TMEM260: variants seen among roughly 807,000 people sequenced by gnomAD.
TMEM260 encodes transmembrane protein 260, also known as protein O-mannosyl-transferase TMEM260.
Under a neutral mutation model 88.9 loss-of-function variants are expected in TMEM260, and 82 were observed. The observed-to-expected ratio is 0.92, with a 90% CI of 0.77 to 1.11. TMEM260 has a LOEUF of 1.11. Among genes scored for constraint, TMEM260 ranks in the 50% least tolerant of loss-of-function variants. TMEM260 has a pLI of 0.00. For missense variants in TMEM260, 902 were observed against 853.4 expected, an observed-to-expected ratio of 1.06 and a Z score of -0.71; for synonymous variants, 314 against 309.3, an observed-to-expected ratio of 1.02 and a Z score of -0.16.
intron 3 of TMEM260, among the ~76,000 whole-genome samples, chr14:56,592,908 T>C (rs1433750647): frequency 6.6e-6 from 1 of 152,204 alleles, no homozygotes; most frequent in Non-Finnish European, 1.5e-5. Flanking sequence ...ACAAATATAT[T>C]CATGAATTTT....
chr14:56,597,991 CA>C (rs1594824891), intron 3 of TMEM260, among the ~76,000 whole-genome samples: 1 of 151,976 alleles, frequency 6.6e-6, no homozygotes, highest in Admixed American at 6.6e-5. Flanking sequence ...ATGGGGCATC[CA>C]GAGTTGTACT....
chr14:56,581,370 C>T (rs923403431), intron 1 of TMEM260, among the ~76,000 whole-genome samples: 5 of 152,108 alleles, frequency 3.3e-5, no homozygotes, highest in Non-Finnish European at 7.4e-5. Flanking sequence ...TACCTTTCTT[C>T]TTTCAGGTCC....
At chr14:56,646,172 A>C (rs1889952757) in intron 15 of TMEM260, among the ~76,000 whole-genome samples, 1 of 152,230 alleles carries the variant, frequency 6.6e-6, no homozygotes, top group Admixed American at 6.5e-5. Context: ...AGGGTTATTA[A>C]CTATTGAAAC....
rs1890036530 is a variant in TMEM260 at position 56,647,410 on chromosome 14, G to A, written c.2037G>A (p.Pro679=). Residue 679 remains proline, a synonymous_variant, in exon 16 of 16, where the codon CCG becomes CCA. Coordinates refer to ENST00000261556, the MANE Select transcript of TMEM260 (RefSeq NM_017799.4). The part of the protein sequence containing the change: ...RHFRLYSQKA[P]NDPQQADILG... ...TCCGTCTGTACTCTCAGAAAGCACC[G>A]AATGACCCACAGCAAGCTGATATTT... 4 of 1,614,008 alleles carry A rather than the reference G, an allele frequency of 2.5e-6. No individual in the cohort carries two copies. The highest frequency in any genetic ancestry group is 2.2e-5 in the South Asian group (2 of 91,088).
chr14:56,661,318 A>G, the TMEM260 span, among the ~76,000 whole-genome samples: 3 of 152,104 alleles, frequency 2.0e-5, no homozygotes, highest in African/African-American at 7.2e-5. Flanking sequence ...TGGGAAAATG[A>G]AAAAGGGGAG....
chr14:56,599,527 C>T (rs1886440869), intron 3 of TMEM260, among the ~76,000 whole-genome samples: 1 of 152,128 alleles, frequency 6.6e-6, no homozygotes, highest in Non-Finnish European at 1.5e-5. Context: ...TCTTCATCCA[C>T]TAGTTTGTAT....
chr14:56,658,496 A>G, the TMEM260 span, among the ~76,000 whole-genome samples: 2 of 151,926 alleles, frequency 1.3e-5, no homozygotes, highest in Admixed American at 1.3e-4. Flanking sequence ...TCAGCCTCCC[A>G]AAGTGCTGGG....
chr14:56,623,143 A>G (rs1414766004), intron 11 of TMEM260, among the ~76,000 whole-genome samples: 2 of 152,214 alleles, frequency 1.3e-5, no homozygotes, highest in African/African-American at 4.8e-5. Flanking sequence ...GTAAGTCATC[A>G]TTATGTAAGT....
chr14:56,589,883 A>G (rs1357300617), intron 3 of TMEM260, among the ~76,000 whole-genome samples: 1 of 152,218 alleles, frequency 6.6e-6, no homozygotes, highest in Non-Finnish European at 1.5e-5. Flanking sequence ...TAGAAAATTA[A>G]AATACCATAC....
chr14:56,599,336 G>A (rs955030452), intron 3 of TMEM260, among the ~76,000 whole-genome samples: 2 of 151,978 alleles, frequency 1.3e-5, no homozygotes, highest in Non-Finnish European at 2.9e-5. Context: ...TTATAATAAA[G>A]CCTGGTTCAG....
rs1224834324 is a variant in TMEM260 at position 56,648,964 on chromosome 14, A to C, written c.*1467A>C. 2 of 152,628 alleles carry C rather than the reference A, an allele frequency of 1.3e-5. No individual in the cohort carries two copies. Among genetic ancestry groups the C allele is most frequent in the African/African-American group, 4.8e-5 (2 of 41,436 alleles). The allele number at this position is 152,628 out of a possible 1,614,324, so 9.5% of individuals were successfully genotyped here. A position where few individuals can be genotyped will look rare whatever the true frequency, so the allele number is the denominator to read the frequency against. On this transcript the variant is annotated 3_prime_UTR_variant, in exon 16 of 16. Coordinates refer to ENST00000261556, the MANE Select transcript of TMEM260 (RefSeq NM_017799.4). Reference sequence around the variant, plus strand: ...TAAATCTCAAAGGGGGAAAAGCTGAAGTTTCATTACCTGATCCATGGGGCT... The same window carrying C: ...TAAATCTCAAAGGGGGAAAAGCTGACGTTTCATTACCTGATCCATGGGGCT...
intron 12 of TMEM260, among the ~76,000 whole-genome samples, chr14:56,631,189 C>T (rs1888569035): frequency 6.6e-6 from 1 of 152,236 alleles, no homozygotes; most frequent in African/African-American, 2.4e-5. Context: ...ACTTGACAGA[C>T]AAGTGCCCCA....
Position 56,633,006 on chromosome 14 carries a change from T to A in TMEM260, c.1559T>A (p.Phe520Tyr). 6.2e-7 allele frequency: 1 copy of A among 1,613,710 alleles called. No individual in the cohort carries two copies. The highest frequency in any genetic ancestry group is 8.5e-7 in the Non-Finnish European group (1 of 1,179,858). ...TCTGTTTCCAACAGAAAAGAAACAT[T>A]TGTTTGCATAGGAATTCATGAAGGC... ...FLEVNKQKET[F>Y]VCIGIHEGDP... is the part of the protein sequence containing the mutation. The change falls in exon 13 of 16, where the codon TTT (phenylalanine) becomes TAT (tyrosine). Residue 520 changes from phenylalanine (F) to tyrosine (Y), a missense_variant. Transcript: ENST00000261556.
At chr14:56,581,273 A>G (rs1235427807) in intron 1 of TMEM260, among the ~76,000 whole-genome samples, 3 of 152,238 alleles carry the variant, frequency 2.0e-5, no homozygotes, top group Non-Finnish European at 4.4e-5. Flanking sequence ...TACACAGGTG[A>G]GAATATCAGG....
At chr14:56,636,831 A>C (rs1353724309) in intron 15 of TMEM260, among the ~76,000 whole-genome samples, 1 of 152,222 alleles carries the variant, frequency 6.6e-6, no homozygotes, top group Admixed American at 6.5e-5. Flanking sequence ...GTCTAGTCCT[A>C]ATCTCCACAA....
chr14:56,657,113 A>G, the TMEM260 span, among the ~76,000 whole-genome samples: 1 of 152,264 alleles, frequency 6.6e-6, no homozygotes, highest in Admixed American at 6.5e-5. Flanking sequence ...CTCAGAGAAC[A>G]GTCTCCTACC....
At chr14:56,655,234 A>G (rs544884178), downstream of TMEM260, among the ~76,000 whole-genome samples, 74 of 152,208 alleles carry the variant, frequency 4.9e-4, no homozygotes, top group South Asian at 0.011. Context: ...TACTAAAAAT[A>G]CAAAAATTAG....
At chr14:56,598,976 T>A (rs1380216229) in intron 3 of TMEM260, among the ~76,000 whole-genome samples, 1 of 152,228 alleles carries the variant, frequency 6.6e-6, no homozygotes, top group Non-Finnish European at 1.5e-5. Flanking sequence ...TAGAGTCTAA[T>A]CTTGCTTAAC....
At chr14:56,608,768 T>A (rs1887068183) in intron 5 of TMEM260, among the ~76,000 whole-genome samples, 1 of 152,202 alleles carries the variant, frequency 6.6e-6, no homozygotes, top group Admixed American at 6.5e-5. Flanking sequence ...CAACACATAA[T>A]CACTTCCAGG....
Sources: gnomAD v4.1 joint callset for allele counts (sites outside exome capture counted in the v4.1 genomes callset) on GRCh38, gnomAD v4.1.1 for gene constraint, MANE v1.5 for transcripts, NCBI Gene and HGNC (gene_info 2026-07-23, HGNC 2026-07-21) for gene names.